ARHGAP39: variants seen among roughly 807,000 people sequenced by gnomAD.
ARHGAP39 encodes the protein Rho GTPase activating protein 39, also known as rho GTPase-activating protein 39.
Under a neutral mutation model 106.9 loss-of-function variants are expected in ARHGAP39, and 44 were observed. The ratio of observed to expected loss-of-function variants is 0.41; its 90% CI spans 0.32 to 0.53. The LOEUF is 0.53. Ranked by LOEUF, ARHGAP39 falls within the 20% of genes least tolerant of loss-of-function variation. The probability of loss-of-function intolerance (pLI) is 0.21; values close to 1 mark genes in which losing one functional copy is unlikely to be tolerated. For synonymous variants in ARHGAP39, 768 were observed against 693.2 expected (o/e 1.11, Z -1.69); for missense variants, 1,496 against 1,577.3 (o/e 0.95, Z 0.87).
At chr8:144,687,956 G>C (rs1371577029), upstream of ARHGAP39, among the ~76,000 whole-genome samples, 1 of 132,786 alleles carries the variant, frequency 7.5e-6, no homozygotes, top group East Asian at 2.1e-4. Flanking sequence ...CACATTTACA[G>C]TGAGCACTTC....
chr8:144,652,098 G>A (rs1398697742), intron 1 of ARHGAP39, among the ~76,000 whole-genome samples: 2 of 152,080 alleles, frequency 1.3e-5, no homozygotes, highest in Non-Finnish European at 2.9e-5. Context: ...CTTCTGCACA[G>A]CAAATGAAAC....
At chr8:144,665,303 G>T (rs1267109274) in intron 1 of ARHGAP39, among the ~76,000 whole-genome samples, 2 of 152,194 alleles carry the variant, frequency 1.3e-5, no homozygotes, top group African/African-American at 4.8e-5. Flanking sequence ...GGGAAACAGA[G>T]CATAGAAGTT....
chr8:144,603,633 T>C (rs1284369676), intron 2 of ARHGAP39, among the ~76,000 whole-genome samples: 1 of 147,030 alleles, frequency 6.8e-6, no homozygotes, highest in African/African-American at 2.6e-5. Context: ...GAGCTTGCAT[T>C]GAGCTGAGAT....
intron 1 of ARHGAP39, among the ~76,000 whole-genome samples, chr8:144,639,746 C>T (rs1821263957): frequency 6.6e-6 from 1 of 152,052 alleles, no homozygotes; most frequent in Admixed American, 6.6e-5. Context: ...GCACGTGCTG[C>T]GTGGATGATG....
intron 3 of ARHGAP39, among the ~76,000 whole-genome samples, chr8:144,556,201 C>T (rs994730204): frequency 1.3e-5 from 2 of 148,896 alleles, no homozygotes; most frequent in Non-Finnish European, 3.0e-5. Flanking sequence ...AGGAGAATGG[C>T]GTGAACCCGG....
intron 1 of ARHGAP39, among the ~76,000 whole-genome samples, chr8:144,661,890 A>G (rs1821831158): frequency 7.2e-6 from 1 of 138,938 alleles, no homozygotes; most frequent in South Asian, 2.3e-4. Context: ...CACCTTGGAC[A>G]ACCCCCCACC....
rs576752228 is a variant in ARHGAP39 at position 144,668,116 on chromosome 8, T to C, written c.-82+17570A>G. Among the ~76,000 whole-genome samples, 259 of 152,158 alleles carry C rather than the reference T, an allele frequency of 1.7e-3. 1 individual carries two copies. The highest frequency in any genetic ancestry group is 5.9e-3 in the African/African-American group (245 of 41,502). On this transcript the variant is annotated intron_variant, in intron 1 of 11. Coordinates refer to ENST00000377307, the MANE Select transcript of ARHGAP39 (RefSeq NM_025251.3). ...ACTAGAGGATGGAATAGAAGTTATATATATATTTGTTTCCTCCCCATTTTT... is the reference window on the plus strand; with the variant it reads ...ACTAGAGGATGGAATAGAAGTTATACATATATTTGTTTCCTCCCCATTTTT...
At chr8:144,626,648 G>A (rs1223665978) in intron 1 of ARHGAP39, among the ~76,000 whole-genome samples, 2 of 152,124 alleles carry the variant, frequency 1.3e-5, no homozygotes, top group Non-Finnish European at 2.9e-5. Flanking sequence ...CCCAGCAAAA[G>A]CCCTGCCAAC....
chr8:144,569,244 A>G (rs1818505686), intron 3 of ARHGAP39, among the ~76,000 whole-genome samples: 1 of 152,254 alleles, frequency 6.6e-6, no homozygotes, highest in South Asian at 2.1e-4. Flanking sequence ...ATTCATCAGG[A>G]GCACATAATC....
Position 144,663,790 on chromosome 8 carries a change from C to G in ARHGAP39, c.-82+21896G>C, listed in dbSNP as rs148570350. ...CTTCAGGCTCATAAATGCAGCATGT[C>G]CAAACTGAACTCCTGGGCTTCTACC... On this transcript the variant is annotated intron_variant, in intron 1 of 11. Coordinates refer to ENST00000377307, the MANE Select transcript of ARHGAP39 (RefSeq NM_025251.3). 2.0e-5 allele frequency among the ~76,000 whole-genome samples: 3 copies of G among 152,342 alleles called. No homozygotes were observed. In the East Asian group the frequency reaches 5.8e-4, roughly 29 times the overall value.
At position 144,555,630 on chromosome 8, in the gene ARHGAP39, C is replaced by T. The variant is rs1379607054; in HGVS notation, c.526G>A (p.Gly176Arg). The T allele has an allele frequency of 6.2e-7, 1 of 1,613,792 alleles. No homozygotes were observed. The highest frequency in any genetic ancestry group is 1.1e-5 in the South Asian group (1 of 91,088). Residue 176 changes from glycine (G) to arginine (R), a missense_variant, in exon 4 of 12, where the codon GGA becomes AGA. By Grantham distance (125) the Gly-to-Arg change is moderately radical. This residue lies in a region of ARHGAP39 where 905 missense variants were observed against 816.4 expected (regional missense o/e 1.11). Transcript: ENST00000377307. ...KEDSGSSSPP[G>R]VFLEKDYEIY... ...TCATAGTCCTTCTCAAGGAACACTC[C>T]TGGTGGTGAAGAGCTGAAACACAGT...
At chr8:144,570,900 T>C (rs951573304) in intron 3 of ARHGAP39, among the ~76,000 whole-genome samples, 2 of 152,224 alleles carry the variant, frequency 1.3e-5, no homozygotes, top group Non-Finnish European at 2.9e-5. Context: ...GATAAATTCC[T>C]GGACACATAC....
rs554456413 is a variant in ARHGAP39, at chr8:144,635,583, G to A, written c.-81-29888C>T. Among the ~76,000 whole-genome samples, 8 of 152,336 alleles carry A rather than the reference G, an allele frequency of 5.3e-5. No individual in the cohort carries two copies. The East Asian group carries it at 9.6e-4, about 18-fold the overall frequency. On this transcript the variant is annotated intron_variant, in intron 1 of 11. Transcript: ENST00000377307. ...CCCAAGGAGGGGGTGTGGGAACCCC[G>A]ATTTGTACCTGGTTGGTCAGAGCTC... is the stretch of plus-strand genomic sequence containing the variant.
intron 1 of ARHGAP39, among the ~76,000 whole-genome samples, chr8:144,674,674 C>T (rs980880494): frequency 6.6e-5 from 10 of 152,186 alleles, no homozygotes; most frequent in African/African-American, 1.4e-4. Flanking sequence ...ATCAACCTGC[C>T]GTCCATGGTG....
At chr8:144,624,326 C>G (rs1475513535) in intron 1 of ARHGAP39, among the ~76,000 whole-genome samples, 2 of 148,534 alleles carry the variant, frequency 1.3e-5, no homozygotes, top group African/African-American at 5.0e-5. Context: ...ATAAAATAAT[C>G]ATCGTCTCAA....
chr8:144,594,616 C>T (rs1024847239), intron 2 of ARHGAP39, among the ~76,000 whole-genome samples: 1 of 151,904 alleles, frequency 6.6e-6, no homozygotes, highest in Non-Finnish European at 1.5e-5. Flanking sequence ...ATCGCTCGAA[C>T]CCGGGAGGCG....
At chr8:144,579,307 A>G (rs543629305) in intron 3 of ARHGAP39, among the ~76,000 whole-genome samples, 1 of 152,308 alleles carries the variant, frequency 6.6e-6, no homozygotes, top group South Asian at 2.1e-4. Flanking sequence ...CAGTGGCTAC[A>G]ATAGCTAAAA....
intron 3 of ARHGAP39, among the ~76,000 whole-genome samples, chr8:144,570,410 T>G (rs577502273): frequency 5.3e-5 from 8 of 151,856 alleles, no homozygotes; most frequent in Admixed American, 5.2e-4. Flanking sequence ...TTACAAGAAA[T>G]AGACTGGATG....
At chr8:144,579,414 T>G (rs1818886070) in intron 3 of ARHGAP39, among the ~76,000 whole-genome samples, 1 of 152,070 alleles carries the variant, frequency 6.6e-6, no homozygotes, top group Admixed American at 6.6e-5. Context: ...GCCCTGGTCC[T>G]CTTTGTGCCC....
Sources: gnomAD v4.1 joint callset for allele counts (sites outside exome capture counted in the v4.1 genomes callset) on GRCh38, gnomAD v4.1.1 for gene constraint, gnomAD v4.1.1 regional missense constraint, MANE v1.5 for transcripts, NCBI Gene and HGNC (gene_info 2026-07-23, HGNC 2026-07-21) for gene names.